Variants in VAT1L observed in about 807,000 individuals in gnomAD.
VAT1L encodes putative NADPH-dependent quinone oxidoreductase VAT1L.
VAT1L carries 34 observed loss-of-function variants against 44.1 expected under a neutral mutation model. The ratio of observed to expected loss-of-function variants is 0.77; its 90% CI spans 0.59 to 1.03. The LOEUF (loss-of-function observed/expected upper bound fraction) is 1.03. Ranked by LOEUF, VAT1L falls within the 50% of genes least tolerant of loss-of-function variation. The pLI, the probability that VAT1L is intolerant of heterozygous loss-of-function variation, is 0.00. For synonymous variants in VAT1L, 253 were observed against 202.2 expected, an observed-to-expected ratio of 1.25 and a Z score of -2.13; for missense variants, 615 against 538.8, an observed-to-expected ratio of 1.14 and a Z score of -1.40.
At chr16:77,790,669 A>G (rs957446903) in intron 1 of VAT1L, among the ~76,000 whole-genome samples, 3 of 152,174 alleles carry the variant, frequency 2.0e-5, no homozygotes, top group African/African-American at 7.2e-5. Context: ...ATACAGTTGC[A>G]TATGTATGCG....
At chr16:77,851,106 G>A (rs1339036155) in intron 3 of VAT1L, among the ~76,000 whole-genome samples, 4 of 152,234 alleles carry the variant, frequency 2.6e-5, no homozygotes, top group Non-Finnish European at 5.9e-5. Context: ...TGTGGGGCAA[G>A]CAAGAGATGG....
intron 7 of VAT1L, among the ~76,000 whole-genome samples, chr16:77,946,276 G>GTTATTTTT (rs1597114758): frequency 3.0e-5 from 1 of 33,874 alleles, no homozygotes; most frequent in Non-Finnish European, 5.7e-5. Flanking sequence ...TAGGTTACTT[G>GTTATTTTT]TTCTTTTTTT....
rs768752297 is a variant in VAT1L, at chr16:77,876,491, G to C, written c.826+18G>C. The C allele has an allele frequency of 6.8e-6, 11 of 1,609,398 alleles. No homozygotes were observed. Among genetic ancestry groups the C allele is most frequent in the Non-Finnish European group, 9.4e-6 (11 of 1,175,764 alleles). On this transcript the variant is annotated intron_variant, in intron 5 of 8. Transcript: ENST00000302536. ...TTTATATGGTGAGTGCAAAACAGCA[G>C]CAGGGACGTGGTCAGCAATAGGTAC... is the stretch of plus-strand genomic sequence containing the variant.
intron 3 of VAT1L, among the ~76,000 whole-genome samples, chr16:77,847,977 G>T (rs11649490): frequency 6.6e-6 from 1 of 152,096 alleles, no homozygotes; most frequent in Non-Finnish European, 1.5e-5. Flanking sequence ...CCAGGCCACC[G>T]TCCCCTGGAC....
Position 77,788,909 on chromosome 16 carries a change from A to T in VAT1L, c.227A>T (p.Lys76Ile). 1.3e-6 allele frequency: 2 copies of T among 1,522,024 alleles called. No individual in the cohort carries two copies. Among genetic ancestry groups the T allele is most frequent in the Non-Finnish European group, 1.8e-6 (2 of 1,136,286 alleles). The allele number at this position is 1,522,024 out of a possible 1,614,324, so 94.3% of individuals were successfully genotyped here. A position where few individuals can be genotyped will look rare whatever the true frequency, so the allele number is the denominator to read the frequency against. Residue 76 changes from lysine to isoleucine, a missense_variant, in exon 1 of 9, where the codon AAA becomes ATA. Lys to Ile is a moderately radical substitution (Grantham distance 102). Coordinates refer to ENST00000302536, the MANE Select transcript of VAT1L (RefSeq NM_020927.3). ...PQDGELKIRV[K>I]ACGLNFIDLM... Reference sequence around the variant, plus strand: ...GACGGCGAGCTCAAGATCCGCGTCAAAGCCTGGTCCAGTATCCGCGCCTTT... The same window carrying T: ...GACGGCGAGCTCAAGATCCGCGTCATAGCCTGGTCCAGTATCCGCGCCTTT...
intron 7 of VAT1L, among the ~76,000 whole-genome samples, chr16:77,919,781 C>A (rs1309965835): frequency 6.6e-6 from 1 of 152,156 alleles, no homozygotes; most frequent in Non-Finnish European, 1.5e-5. Context: ...TTCAGTATAT[C>A]TCATTTATCT....
chr16:77,804,263 G>T (rs1203139591), intron 1 of VAT1L, among the ~76,000 whole-genome samples: 1 of 152,144 alleles, frequency 6.6e-6, no homozygotes, highest in African/African-American at 2.4e-5. Context: ...AGGAACCTTA[G>T]GAATAAATAC....
chr16:77,822,362 G>A (rs1370154662), intron 2 of VAT1L, among the ~76,000 whole-genome samples: 1 of 151,924 alleles, frequency 6.6e-6, no homozygotes, highest in Non-Finnish European at 1.5e-5. Flanking sequence ...TTGAACTCCC[G>A]AGACCTCAGC....
intron 8 of VAT1L, among the ~76,000 whole-genome samples, chr16:77,976,649 G>C (rs1038061030): frequency 5.3e-5 from 8 of 152,198 alleles, no homozygotes; most frequent in African/African-American, 1.9e-4. Flanking sequence ...TTAATGGACA[G>C]AACTAGTTTG....
intron 7 of VAT1L, among the ~76,000 whole-genome samples, chr16:77,906,511 T>C (rs557367937): frequency 3.9e-5 from 6 of 152,202 alleles, no homozygotes; most frequent in African/African-American, 1.2e-4. Context: ...AGGAACTTAT[T>C]TGAGAAATGA....
At chr16:77,802,483 C>T (rs967938538) in intron 1 of VAT1L, among the ~76,000 whole-genome samples, 8 of 152,046 alleles carry the variant, frequency 5.3e-5, no homozygotes, top group African/African-American at 9.7e-5. Context: ...GGTGTGGTGG[C>T]AGGCGCCTGT....
chr16:77,884,888 T>A lies in VAT1L; in HGVS notation c.1077+86T>A, dbSNP rs993759604. 25 of 1,377,224 alleles carry A rather than the reference T, an allele frequency of 1.8e-5. No homozygotes were observed. The highest frequency in any genetic ancestry group is 4.5e-5 in the African/African-American group (3 of 66,036). 85.3% of individuals were successfully genotyped at this position (1,377,224 alleles called of 1,614,324 possible). ...CAGCCAAATACAATCTTCTACTAAA[T>A]GATTTTTTTCCCAGATGGGTTTGTT... On this transcript the variant is annotated intron_variant, in intron 7 of 8. Transcript: ENST00000302536. The surrounding 1 kb of genome is among the most constrained non-coding windows in gnomAD (Gnocchi z 4.5).
At chr16:77,935,597 G>T (rs1267764901) in intron 7 of VAT1L, among the ~76,000 whole-genome samples, 2 of 151,896 alleles carry the variant, frequency 1.3e-5, no homozygotes, top group African/African-American at 4.8e-5. Flanking sequence ...AAAGGAGTGA[G>T]AGGGACAGAG....
intron 3 of VAT1L, among the ~76,000 whole-genome samples, chr16:77,829,875 A>G (rs16946570): frequency 4.7e-4 from 71 of 152,218 alleles, no homozygotes; most frequent in African/African-American, 1.4e-3. Flanking sequence ...TCTTACCTTT[A>G]TCATCATATC....
At chr16:77,930,636 T>A (rs2017720866) in intron 7 of VAT1L, among the ~76,000 whole-genome samples, 1 of 152,140 alleles carries the variant, frequency 6.6e-6, no homozygotes, top group Admixed American at 6.5e-5. Context: ...AAGGTATGGA[T>A]CATCATTTGG....
At chr16:77,856,958 G>A (rs2016865332) in intron 3 of VAT1L, among the ~76,000 whole-genome samples, 1 of 152,136 alleles carries the variant, frequency 6.6e-6, no homozygotes, top group African/African-American at 2.4e-5. Context: ...GTTTACGTAT[G>A]AAAAGAAGAC....
chr16:77,932,972 C>G (rs941944351), intron 7 of VAT1L, among the ~76,000 whole-genome samples: 1 of 152,196 alleles, frequency 6.6e-6, no homozygotes, highest in Non-Finnish European at 1.5e-5. Context: ...CAATTCTCCC[C>G]CACACATTTC....
At chr16:77,936,746 C>G (rs2017802184) in intron 7 of VAT1L, among the ~76,000 whole-genome samples, 1 of 152,038 alleles carries the variant, frequency 6.6e-6, no homozygotes, top group African/African-American at 2.4e-5. Flanking sequence ...GTGGCTCCAT[C>G]TTGTAAGGAT....
At chr16:77,862,435 T>C (rs2016924146) in intron 3 of VAT1L, among the ~76,000 whole-genome samples, 1 of 151,736 alleles carries the variant, frequency 6.6e-6, no homozygotes, top group Admixed American at 6.6e-5. Context: ...GGCAACACGG[T>C]GAAACCCCAT....
Sources: gnomAD v4.1 joint callset for allele counts (sites outside exome capture counted in the v4.1 genomes callset) on GRCh38, gnomAD v4.1.1 for gene constraint, Gnocchi (gnomAD v3.1) non-coding constraint, MANE v1.5 for transcripts, NCBI Gene and HGNC (gene_info 2026-07-23, HGNC 2026-07-21) for gene names.